MEGF6: variants seen among roughly 807,000 people sequenced by gnomAD.
MEGF6 encodes the protein multiple epidermal growth factor-like domains protein 6.
A neutral mutation model predicts 207.1 loss-of-function variants in MEGF6; 184 were observed. The observed-to-expected ratio is 0.89, with a 90% CI of 0.79 to 1.00. MEGF6 has a LOEUF of 1.00. MEGF6 is among the 50% of genes least tolerant of loss of function. MEGF6 has a pLI of 0.00. For missense variants in MEGF6, 2,282 were observed against 2,202.9 expected, an observed-to-expected ratio of 1.04 and a Z score of -0.72; for synonymous variants, 1,038 against 910.0, an observed-to-expected ratio of 1.14 and a Z score of -2.53.
intron 4 of MEGF6, among the ~76,000 whole-genome samples, chr1:3,533,350 C>G (rs1405138152): frequency 2.6e-5 from 4 of 152,256 alleles, no homozygotes; most frequent in African/African-American, 9.6e-5. Context: ...TCCCATCAGC[C>G]TCTGAGCCCT....
chr1:3,568,889 C>T (rs1319928851), intron 4 of MEGF6, among the ~76,000 whole-genome samples: 1 of 152,184 alleles, frequency 6.6e-6, no homozygotes, highest in African/African-American at 2.4e-5. Flanking sequence ...AGGTCTGCAC[C>T]CCAGCTCCAT....
chr1:3,557,192 C>T (rs1220035526), intron 4 of MEGF6, among the ~76,000 whole-genome samples: 7 of 152,252 alleles, frequency 4.6e-5, no homozygotes, highest in African/African-American at 1.7e-4. Context: ...CCAGCCCTGA[C>T]AAGACCTTGG....
intron 1 of MEGF6, among the ~76,000 whole-genome samples, chr1:3,608,974 T>C (rs1241547979): frequency 6.6e-6 from 1 of 152,196 alleles, no homozygotes. Flanking sequence ...CAGCGTCTCC[T>C]AGAGGCCCCG....
chr1:3,575,632 A>ATCG (rs1553205174), intron 4 of MEGF6, among the ~76,000 whole-genome samples: 26 of 151,570 alleles, frequency 1.7e-4, no homozygotes, highest in African/African-American at 5.8e-4. Context: ...AGCAAGTCAC[A>ATCG]TCTTACATGG....
At chr1:3,553,004 C>T (rs1305041464) in intron 4 of MEGF6, among the ~76,000 whole-genome samples, 4 of 152,160 alleles carry the variant, frequency 2.6e-5, no homozygotes, top group Middle Eastern at 3.2e-3. Context: ...GAGAGGTGCC[C>T]AGCCCCTAAT....
At chr1:3,601,682 C>T (rs1449733868) in intron 2 of MEGF6, among the ~76,000 whole-genome samples, 2 of 152,254 alleles carry the variant, frequency 1.3e-5, no homozygotes, top group Non-Finnish European at 2.9e-5. Flanking sequence ...TGAGTGAGAA[C>T]CACCATTATT....
intron 3 of MEGF6, among the ~76,000 whole-genome samples, chr1:3,580,334 C>T (rs538405490): frequency 1.2e-3 from 186 of 152,254 alleles, no homozygotes; most frequent in African/African-American, 4.3e-3. Context: ...GCTGAGGACC[C>T]CCCTCAAGAC....
intron 2 of MEGF6, 114 bp downstream of exon 2, chr1:3,602,352 G>C: frequency 6.9e-7 from 1 of 1,458,526 alleles, no homozygotes; most frequent in Non-Finnish European, 9.3e-7. Flanking sequence ...CAGGGGTTGC[G>C]TGTGGCCCTG....
intron 4 of MEGF6, among the ~76,000 whole-genome samples, chr1:3,562,918 C>T (rs1454501460): frequency 1.3e-5 from 2 of 152,168 alleles, no homozygotes; most frequent in Non-Finnish European, 2.9e-5. Context: ...TCTGTACACC[C>T]ACCCCCAGGA....
chr1:3,594,638 G>A lies in MEGF6; in HGVS notation c.376+700C>T, dbSNP rs924820321. Among the ~76,000 whole-genome samples the A allele has an allele frequency of 6.6e-6, 1 of 152,056 alleles. No homozygotes were observed. Among genetic ancestry groups the A allele is most frequent in the African/African-American group, 2.4e-5 (1 of 41,404 alleles). ...CCTTTGCCCAGGCGGTTTCACTGGCGGGGCTTCTGTCCCCATGCCTGAAAC... is the reference window on the plus strand; with the variant it reads ...CCTTTGCCCAGGCGGTTTCACTGGCAGGGCTTCTGTCCCCATGCCTGAAAC... On this transcript the variant is annotated intron_variant, in intron 3 of 36. Transcript: ENST00000356575. The surrounding 1 kb of genome is among the most constrained non-coding windows in gnomAD (Gnocchi z 4.2).
At chr1:3,571,357 C>G (rs754708264) in intron 4 of MEGF6, among the ~76,000 whole-genome samples, 5 of 152,154 alleles carry the variant, frequency 3.3e-5, no homozygotes, top group Admixed American at 6.5e-5. Flanking sequence ...ACTCCCACCC[C>G]CGAGCACAGA....
chr1:3,527,004 C>T (rs1347235600), intron 4 of MEGF6, among the ~76,000 whole-genome samples: 3 of 152,194 alleles, frequency 2.0e-5, no homozygotes, highest in East Asian at 3.8e-4. Context: ...AGTCCTCGAC[C>T]GTGTGGGAAA....
At chr1:3,519,273 G>C (rs1641653545) in intron 5 of MEGF6, among the ~76,000 whole-genome samples, 1 of 152,246 alleles carries the variant, frequency 6.6e-6, no homozygotes, top group African/African-American at 2.4e-5. Flanking sequence ...GTGACAGGTG[G>C]GTCCCTATAG....
chr1:3,572,030 T>A (rs1425795307), intron 4 of MEGF6, among the ~76,000 whole-genome samples: 1 of 124,586 alleles, frequency 8.0e-6, no homozygotes, highest in East Asian at 2.8e-4. Context: ...GTGTGCTAGG[T>A]CCTTCCCGGG....
At position 3,499,012 on chromosome 1, in the gene MEGF6, C is replaced by G; in HGVS notation, c.3094+126G>C. The G allele has an allele frequency of 3.5e-6, 5 of 1,433,324 alleles. No homozygotes were observed. The South Asian group carries it at 5.3e-5, about 15-fold the overall frequency. 88.8% of individuals were successfully genotyped at this position (1,433,324 alleles called of 1,614,324 possible). ...TGGAGAGGGGCACAGGTGAAAGGCA[C>G]GGTCCTCAGTCCTAACAGCCCCTTC... is the stretch of plus-strand genomic sequence containing the variant. On this transcript the variant is annotated intron_variant, in intron 24 of 36. Coordinates refer to ENST00000356575, the MANE Select transcript of MEGF6 (RefSeq NM_001409.4).
intron 4 of MEGF6, among the ~76,000 whole-genome samples, chr1:3,564,509 A>C (rs60609290): frequency 0.021 from 3,137 of 152,038 alleles, 111 homozygotes; most frequent in African/African-American, 0.067. Context: ...ACTGGAGCCC[A>C]AGCTTCCCCT....
intron 4 of MEGF6, among the ~76,000 whole-genome samples, chr1:3,540,218 G>A (rs1452828294): frequency 6.6e-6 from 1 of 152,244 alleles, no homozygotes; most frequent in African/African-American, 2.4e-5. Context: ...GAACGTGCCT[G>A]CCAGGGTGTG....
intron 4 of MEGF6, among the ~76,000 whole-genome samples, chr1:3,549,035 G>A (rs1642803144): frequency 1.3e-5 from 2 of 152,138 alleles, no homozygotes; most frequent in Admixed American, 6.5e-5. Context: ...TGCTGGCTGG[G>A]ACCCCGCCTT....
At chr1:3,598,299 C>T (rs867314865) in intron 2 of MEGF6, among the ~76,000 whole-genome samples, 37 of 152,332 alleles carry the variant, frequency 2.4e-4, no homozygotes, top group African/African-American at 3.6e-4. Flanking sequence ...AACAAACAAG[C>T]GGGGCCAGTG....
Sources: allele counts gnomAD v4.1 joint callset (sites outside exome capture counted in the v4.1 genomes callset), GRCh38; gene constraint gnomAD v4.1.1; non-coding constraint Gnocchi (gnomAD v3.1); transcripts MANE v1.5; gene names NCBI Gene and HGNC (gene_info 2026-07-23, HGNC 2026-07-21).